TOM1L1: variants seen among roughly 807,000 people sequenced by gnomAD.
TOM1L1 encodes target of myb1 like 1 membrane trafficking protein.
TOM1L1 carries 64 observed loss-of-function variants against 63.4 expected under a neutral mutation model. The observed-to-expected ratio is 1.01, with a 90% confidence interval of 0.83 to 1.24. The LOEUF is 1.24. Ranked by LOEUF, TOM1L1 falls within the 50% of genes most tolerant of loss-of-function variation. The pLI, the probability that TOM1L1 is intolerant of heterozygous loss-of-function variation, is 0.00. For missense variants in TOM1L1, 536 were observed against 567.0 expected (o/e 0.95, Z 0.55); for synonymous variants, 166 against 194.4 (o/e 0.85, Z 1.22).
At chr17:54,904,430 C>G (rs2048378370) in intron 2 of TOM1L1, among the ~76,000 whole-genome samples, 1 of 151,506 alleles carries the variant, frequency 6.6e-6, no homozygotes, top group African/African-American at 2.4e-5. Context: ...AGGAATATCT[C>G]CAGCTCCCAG....
At chr17:54,958,978 C>T (rs1359176955) in intron 14 of TOM1L1, among the ~76,000 whole-genome samples, 1 of 151,956 alleles carries the variant, frequency 6.6e-6, no homozygotes, top group Non-Finnish European at 1.5e-5. Context: ...AAATAATGGA[C>T]AATACAAATG....
chr17:54,960,668 A>C, intron 15 of TOM1L1, 41 bp downstream of exon 15: 1 of 1,418,642 alleles, frequency 7.0e-7, no homozygotes, highest in South Asian at 1.2e-5. Context: ...CATATTCCAT[A>C]TAATTTCAGT....
intron 7 of TOM1L1, among the ~76,000 whole-genome samples, chr17:54,928,367 C>CA (rs58773256): frequency 0.23 from 34,540 of 148,308 alleles, 4,104 homozygotes; most frequent in Non-Finnish European, 0.26. Context: ...GGAAAAAAAC[C>CA]AAAAAAAAAC....
At chr17:54,955,846 A>T (rs1369530044) in intron 14 of TOM1L1, among the ~76,000 whole-genome samples, 1 of 152,192 alleles carries the variant, frequency 6.6e-6, no homozygotes, top group Non-Finnish European at 1.5e-5. Context: ...ACCGAGCAAA[A>T]GGTCTGGGCT....
intron 2 of TOM1L1, among the ~76,000 whole-genome samples, chr17:54,905,256 G>A (rs1457909509): frequency 2.0e-5 from 3 of 152,184 alleles, no homozygotes; most frequent in African/African-American, 7.2e-5. Flanking sequence ...AGTCTTGTAC[G>A]AAAATATTTT....
intron 14 of TOM1L1, among the ~76,000 whole-genome samples, chr17:54,960,198 A>G (rs1193510296): frequency 6.6e-6 from 1 of 151,994 alleles, no homozygotes; most frequent in Non-Finnish European, 1.5e-5. Context: ...CCCTGTCTCT[A>G]CTTAAAATAC....
At chr17:54,902,756 C>A (rs1455439652) in intron 1 of TOM1L1, among the ~76,000 whole-genome samples, 1 of 152,260 alleles carries the variant, frequency 6.6e-6, no homozygotes, top group Middle Eastern at 3.4e-3. Context: ...AAGATGTTAG[C>A]GCATTCATAC....
At chr17:54,905,230 G>A (rs1184349077) in intron 2 of TOM1L1, among the ~76,000 whole-genome samples, 4 of 152,214 alleles carry the variant, frequency 2.6e-5, no homozygotes, top group Admixed American at 2.6e-4. Flanking sequence ...TTCATGGGTA[G>A]TACTTTCTAG....
intron 7 of TOM1L1, chr17:54,917,040 T>G (rs999155675): frequency 2.6e-5 from 4 of 152,194 alleles, no homozygotes; most frequent in Non-Finnish European, 5.9e-5. Flanking sequence ...TAATATTTTT[T>G]TCTAGTTGCA....
chr17:54,944,470 GA>G (rs1283915544), intron 11 of TOM1L1, among the ~76,000 whole-genome samples: 2 of 149,626 alleles, frequency 1.3e-5, no homozygotes, highest in Non-Finnish European at 3.0e-5. Context: ...AAAAATTCAA[GA>G]AGAGAAAAAT....
At chr17:54,924,271 CTTTTCTT>C (rs1373115748) in intron 7 of TOM1L1, among the ~76,000 whole-genome samples, 7 of 144,248 alleles carry the variant, frequency 4.9e-5, no homozygotes, top group African/African-American at 8.1e-5. Flanking sequence ...TTTTTCTTTT[CTTTTCTT>C]TTTTCTTTTT....
At chr17:54,928,759 T>G (rs1008470164) in intron 7 of TOM1L1, among the ~76,000 whole-genome samples, 7 of 152,200 alleles carry the variant, frequency 4.6e-5, no homozygotes, top group African/African-American at 7.2e-5. Context: ...ATGGTTTTTC[T>G]GGCCGCATGT....
At chr17:54,907,605 A>G (rs900495422) in intron 3 of TOM1L1, among the ~76,000 whole-genome samples, 3 of 152,074 alleles carry the variant, frequency 2.0e-5, no homozygotes, top group Non-Finnish European at 4.4e-5. Flanking sequence ...CCCCACCCTC[A>G]TACACACACC....
At chr17:54,925,647 T>A (rs1438359304) in intron 7 of TOM1L1, among the ~76,000 whole-genome samples, 1 of 152,328 alleles carries the variant, frequency 6.6e-6, no homozygotes, top group South Asian at 2.1e-4. Context: ...AGCACGCCTG[T>A]AATCTCAGCA....
chr17:54,903,802 G>A lies in TOM1L1; in HGVS notation c.143+10G>A. Reference sequence around the variant, plus strand: ...ACACTACCCAGGATGGGTGAGTACAGCATGGTTTCCATGTATTTGCCTCTG... The same window carrying A: ...ACACTACCCAGGATGGGTGAGTACAACATGGTTTCCATGTATTTGCCTCTG... On this transcript the variant is annotated intron_variant, in intron 2 of 15. Transcript: ENST00000575882. The A allele has an allele frequency of 1.9e-6, 3 of 1,610,980 alleles. No homozygotes were observed. The highest frequency in any genetic ancestry group is 2.5e-6 in the Non-Finnish European group (3 of 1,177,572).
chr17:54,915,371 T>G (rs941951693), intron 6 of TOM1L1, among the ~76,000 whole-genome samples: 4 of 152,200 alleles, frequency 2.6e-5, no homozygotes, highest in East Asian at 3.9e-4. Context: ...GTTTTTCTTT[T>G]ACCCTATTGG....
rs2048516497 is a variant in TOM1L1, at chr17:54,912,723, A to G, written c.280A>G (p.Lys94Glu). 7.4e-6 allele frequency: 12 copies of G among 1,611,264 alleles called. No individual in the cohort carries two copies. Among genetic ancestry groups the G allele is most frequent in the Middle Eastern group, 1.7e-4 (1 of 6,052 alleles). Residue 94 changes from lysine (K) to glutamate (E), a missense_variant, in exon 4 of 16, where the codon AAG (lysine) becomes GAG (glutamate). Coordinates refer to ENST00000575882, the MANE Select transcript of TOM1L1 (RefSeq NM_005486.3). ...AAGTTTCCAGTCTCTGATTGTGAAG[A>G]AGGAATTTGTTAAAGAGAATTTAGT... is the stretch of plus-strand genomic sequence containing the variant. Reference protein sequence around the residue: ...GPSFQSLIVKKEFVKENLVKL... With the variant: ...GPSFQSLIVKEEFVKENLVKL...
intron 11 of TOM1L1, among the ~76,000 whole-genome samples, chr17:54,944,183 C>T (rs2049079662): frequency 6.6e-6 from 1 of 152,118 alleles, no homozygotes; most frequent in South Asian, 2.1e-4. Context: ...CGTGGTGGCT[C>T]ATGCCTGTAA....
At chr17:54,924,744 A>G (rs1384646965) in intron 7 of TOM1L1, among the ~76,000 whole-genome samples, 7 of 64,478 alleles carry the variant, frequency 1.1e-4, no homozygotes, top group African/African-American at 5.1e-4. Context: ...TGATGTAATC[A>G]TTCAGTAAAC....
Sources: allele counts gnomAD v4.1 joint callset (sites outside exome capture counted in the v4.1 genomes callset), GRCh38; gene constraint gnomAD v4.1.1; transcripts MANE v1.5; gene names NCBI Gene and HGNC (gene_info 2026-07-23, HGNC 2026-07-21).